MTA3: variants seen among roughly 807,000 people sequenced by gnomAD.
MTA3 encodes metastasis associated 1 family member 3, also known as metastasis-associated protein MTA3.
In MTA3, 34 loss-of-function variants were observed where a neutral mutation model predicts 83.5. The ratio of observed to expected loss-of-function variants is 0.41; its 90% CI spans 0.31 to 0.54. MTA3 has a LOEUF of 0.54. Among genes scored for constraint, MTA3 ranks in the 20% least tolerant of loss-of-function variants. The probability of loss-of-function intolerance (pLI) is 0.33; values close to 1 mark genes in which losing one functional copy is unlikely to be tolerated. For missense variants in MTA3, 761 were observed against 726.4 expected, an observed-to-expected ratio of 1.05 and a Z score of -0.55; for synonymous variants, 303 against 252.7, an observed-to-expected ratio of 1.20 and a Z score of -1.89.
intron 2 of MTA3, among the ~76,000 whole-genome samples, chr2:42,530,683 G>C (rs954294935): frequency 6.6e-6 from 1 of 151,790 alleles, no homozygotes; most frequent in Middle Eastern, 3.2e-3. Flanking sequence ...TACTCGGGAG[G>C]CTGAGGCAGG....
chr2:42,499,082 G>A (rs562171884), intron 2 of MTA3, among the ~76,000 whole-genome samples: 2 of 152,130 alleles, frequency 1.3e-5, no homozygotes, highest in Non-Finnish European at 2.9e-5. Context: ...TATATAGGAT[G>A]AATAAGTCCT....
In MTA3 at chr2:42,580,194, A is replaced by G. The variant is rs984453830; in HGVS notation, c.190+994A>G. Among the ~76,000 whole-genome samples, 8 of 151,418 alleles carry G rather than the reference A, an allele frequency of 5.3e-5. No individual in the cohort carries two copies. In the South Asian group the frequency reaches 1.7e-3, roughly 32 times the overall value. The stretch of plus-strand genomic sequence containing the variant: ...ACTCTTGGGCTCAAGTGATCCTCCT[A>G]CCTTGGCTTTCCAAAGGCTCAAGTG... On this transcript the variant is annotated intron_variant, in intron 3 of 16. Coordinates refer to ENST00000405094, the MANE Select transcript of MTA3 (RefSeq NM_001330442.2).
rs551638618 is a variant in MTA3 at position 42,656,087 on chromosome 2, G to C, written c.500-113G>C. On this transcript the variant is annotated intron_variant, in intron 6 of 16. Coordinates refer to ENST00000405094, the MANE Select transcript of MTA3 (RefSeq NM_001330442.2). Reference sequence around the variant, plus strand: ...TCTGAAAGAATATGCCAAAACTGTGGGCACTTACCTTACACATAAACATTT... The same window carrying C: ...TCTGAAAGAATATGCCAAAACTGTGCGCACTTACCTTACACATAAACATTT... 1.2e-5 allele frequency: 9 copies of C among 725,736 alleles called. 1 individual carries two copies. Among genetic ancestry groups the C allele is most frequent in the Middle Eastern group, 2.5e-4 (1 of 4,078 alleles). 45.0% of individuals were successfully genotyped at this position (725,736 alleles called of 1,614,324 possible). A position where few individuals can be genotyped will look rare whatever the true frequency, so the allele number is the denominator to read the frequency against.
At chr2:42,704,692 C>T (rs1191233599) in intron 12 of MTA3, among the ~76,000 whole-genome samples, 3 of 152,150 alleles carry the variant, frequency 2.0e-5, no homozygotes, top group Non-Finnish European at 2.9e-5. Flanking sequence ...AATTAAAGCT[C>T]CAAGTAATTC....
intron 2 of MTA3, among the ~76,000 whole-genome samples, chr2:42,555,390 G>T (rs1677329945): frequency 7.4e-6 from 1 of 134,772 alleles, no homozygotes; most frequent in Non-Finnish European, 1.5e-5. Flanking sequence ...AGGAGGCGGA[G>T]GTTGTGGTAA....
chr2:42,584,029 G>T (rs1280407953), intron 3 of MTA3, among the ~76,000 whole-genome samples: 2 of 151,816 alleles, frequency 1.3e-5, no homozygotes, highest in Non-Finnish European at 2.9e-5. Context: ...TTTTAGTAGA[G>T]ACGGGGTTTC....
intron 16 of MTA3, among the ~76,000 whole-genome samples, chr2:42,730,248 C>G (rs1459680961): frequency 6.6e-6 from 1 of 152,090 alleles, no homozygotes; most frequent in Non-Finnish European, 1.5e-5. Flanking sequence ...ACTTCCAGTA[C>G]TCTGTTAAAT....
At chr2:42,690,810 G>A (rs1405223153) in intron 9 of MTA3, among the ~76,000 whole-genome samples, 1 of 150,584 alleles carries the variant, frequency 6.6e-6, no homozygotes, top group Non-Finnish European at 1.5e-5. Flanking sequence ...GAGTAGCTGG[G>A]ACTACAGGCA....
At chr2:42,616,345 G>A (rs1383513464) in intron 4 of MTA3, among the ~76,000 whole-genome samples, 1 of 151,772 alleles carries the variant, frequency 6.6e-6, no homozygotes, top group African/African-American at 2.4e-5. Flanking sequence ...TTACAGGCGT[G>A]AGCCATTGCA....
chr2:42,709,179 T>C, intron 14 of MTA3, 83 bp downstream of exon 14: 1 of 1,493,522 alleles, frequency 6.7e-7, no homozygotes, highest in Non-Finnish European at 8.9e-7. Flanking sequence ...TTTTTTTGTT[T>C]GTTTGTTTGC....
chr2:42,741,940 C>A (rs555177944), intron 16 of MTA3, among the ~76,000 whole-genome samples: 2 of 152,172 alleles, frequency 1.3e-5, no homozygotes, highest in South Asian at 2.1e-4. Context: ...GAGTTGCCAA[C>A]AAAGCTTCAA....
rs1309325647 is a variant in MTA3 at position 42,754,955 on chromosome 2, C to T, written c.*1556C>T. The T allele has an allele frequency of 3.2e-5, 32 of 985,336 alleles. No homozygotes were observed. Among genetic ancestry groups the T allele is most frequent in the East Asian group, 2.3e-4 (2 of 8,814 alleles). The allele number at this position is 985,336 out of a possible 1,614,324, so 61.0% of individuals were successfully genotyped here. A position where few individuals can be genotyped will look rare whatever the true frequency, so the allele number is the denominator to read the frequency against. ...TTCTCATCTTAGGCTTCTGCAAGGG[C>T]GAGCATGGGATGTCTCCACCACCAC... is the stretch of plus-strand genomic sequence containing the variant. On this transcript the variant is annotated 3_prime_UTR_variant, in exon 17 of 17. Transcript: ENST00000405094.
At chr2:42,744,181 T>G (rs1669239554) in intron 16 of MTA3, among the ~76,000 whole-genome samples, 1 of 152,226 alleles carries the variant, frequency 6.6e-6, no homozygotes, top group Non-Finnish European at 1.5e-5. Flanking sequence ...AAGCATTGTC[T>G]GAGGGCAGCA....
intron 16 of MTA3, among the ~76,000 whole-genome samples, chr2:42,742,163 C>G (rs184017775): frequency 2.3e-4 from 35 of 149,044 alleles, no homozygotes; most frequent in Admixed American, 4.0e-4. Context: ...TTTTGAGAAG[C>G]AGACTCGCCC....
chr2:42,589,153 C>T (rs1418367421), intron 3 of MTA3, among the ~76,000 whole-genome samples: 2 of 151,986 alleles, frequency 1.3e-5, no homozygotes, highest in East Asian at 1.9e-4. Flanking sequence ...CACATAAAAC[C>T]ATCATCGGCA....
intron 14 of MTA3, among the ~76,000 whole-genome samples, chr2:42,712,290 C>G (rs1054501575): frequency 4.6e-5 from 7 of 151,992 alleles, no homozygotes; most frequent in African/African-American, 1.5e-4. Flanking sequence ...CACTCTTCAT[C>G]CATATATAGG....
chr2:42,723,136 T>G (rs1433838331), intron 16 of MTA3, 101 bp downstream of exon 16: 1 of 1,315,530 alleles, frequency 7.6e-7, no homozygotes, highest in African/African-American at 1.5e-5. Flanking sequence ...CATGTTCTTG[T>G]ATTCCATGAT....
intron 3 of MTA3, among the ~76,000 whole-genome samples, chr2:42,603,442 C>G (rs1247836127): frequency 6.6e-6 from 1 of 152,106 alleles, no homozygotes; most frequent in African/African-American, 2.4e-5. Context: ...TCCATATGGA[C>G]TTGGAATTTA....
At chr2:42,685,830 T>G (rs944940154) in intron 9 of MTA3, among the ~76,000 whole-genome samples, 6 of 152,170 alleles carry the variant, frequency 3.9e-5, no homozygotes, top group African/African-American at 1.4e-4. Flanking sequence ...AGTTGTTGTT[T>G]TTAAATTATC....
Sources: gnomAD v4.1 joint callset for allele counts (sites outside exome capture counted in the v4.1 genomes callset) on GRCh38, gnomAD v4.1.1 for gene constraint, MANE v1.5 for transcripts, NCBI Gene and HGNC (gene_info 2026-07-23, HGNC 2026-07-21) for gene names.